The following WNK2 variants were observed in gnomAD, a reference collection of about 807,000 sequenced individuals.
The protein encoded by WNK2 is WNK lysine deficient protein kinase 2.
Under a neutral mutation model 192.1 loss-of-function variants are expected in WNK2, and 67 were observed. That is an observed-to-expected ratio of 0.35 (90% CI 0.29 to 0.43). WNK2 has a LOEUF of 0.43. WNK2 is among the 20% of genes least tolerant of loss of function. The pLI is 1.00. For missense variants in WNK2, 2,698 were observed against 3,089.7 expected (o/e 0.87, Z 3.01); for synonymous variants, 1,439 against 1,393.9 (o/e 1.03, Z -0.72).
At chr9:93,268,914 T>G in intron 19 of WNK2, 168 bp downstream of exon 19, 1 of 1,560,254 alleles carries the variant, frequency 6.4e-7, no homozygotes, top group South Asian at 1.2e-5. Context: ...CCTATCCTTG[T>G]TTTCTGCTGA....
chr9:93,268,897 C>T, intron 19 of WNK2, 151 bp downstream of exon 19: 1 of 1,566,776 alleles, frequency 6.4e-7, no homozygotes, highest in East Asian at 2.4e-5. Context: ...GCCTGTGGGG[C>T]TGTGTTCCTA....
chr9:93,231,444 ATT>A (rs1157163837), intron 4 of WNK2, among the ~76,000 whole-genome samples: 4 of 152,006 alleles, frequency 2.6e-5, no homozygotes, highest in Admixed American at 1.3e-4. Context: ...GCCAGCTCTG[ATT>A]GTCTAGCAGG....
intron 2 of WNK2, among the ~76,000 whole-genome samples, chr9:93,197,363 T>A (rs967554329): frequency 6.6e-6 from 1 of 152,154 alleles, no homozygotes; most frequent in East Asian, 1.9e-4. Flanking sequence ...AGGGAAGGGA[T>A]CCAGGAGCCA....
intron 2 of WNK2, among the ~76,000 whole-genome samples, chr9:93,187,811 C>T (rs1829610050): frequency 6.6e-6 from 1 of 151,980 alleles, no homozygotes; most frequent in East Asian, 1.9e-4. Context: ...CCAGGGGCTG[C>T]TGGGCGTGTG....
chr9:93,235,038 A>G, intron 5 of WNK2, 73 bp downstream of exon 5: 1 of 1,562,832 alleles, frequency 6.4e-7, no homozygotes, highest in Middle Eastern at 1.7e-4. Flanking sequence ...GCTGGGCTCC[A>G]TGTGGCTCTG....
At chr9:93,198,302 T>C (rs1467831005) in intron 2 of WNK2, among the ~76,000 whole-genome samples, 1 of 152,196 alleles carries the variant, frequency 6.6e-6, no homozygotes, top group East Asian at 1.9e-4. Context: ...CTAACAGGAC[T>C]TGCTGTCAGC....
intron 26 of WNK2, 187 bp downstream of exon 26, chr9:93,300,336 A>G (rs1291612538): frequency 3.6e-6 from 2 of 550,590 alleles, no homozygotes; most frequent in Non-Finnish European, 6.5e-6. Flanking sequence ...GCCAGCGCCT[A>G]CCCCCAAGCC....
At chr9:93,202,641 G>A (rs1257118051) in intron 2 of WNK2, among the ~76,000 whole-genome samples, 1 of 152,026 alleles carries the variant, frequency 6.6e-6, no homozygotes, top group African/African-American at 2.4e-5. Flanking sequence ...AAAATTACAT[G>A]GGGTGGGGCT....
At chr9:93,211,151 C>T (rs1403554225) in intron 2 of WNK2, among the ~76,000 whole-genome samples, 2 of 151,840 alleles carry the variant, frequency 1.3e-5, no homozygotes, top group African/African-American at 2.4e-5. Context: ...CTCACTTATT[C>T]ACTCACAGAT....
chr9:93,260,698 A>G (rs1474645211), intron 12 of WNK2, among the ~76,000 whole-genome samples: 1 of 152,188 alleles, frequency 6.6e-6, no homozygotes, highest in African/African-American at 2.4e-5. Context: ...GGGATGGTAC[A>G]TATTGGATAG....
rs144027303 is a variant in WNK2 at position 93,272,292 on chromosome 9, C to T, written c.4033+3546C>T. ...AAAAGATTATAACAATTTAACCTTC[C>T]ATTCCACCAGTGTGGCAAATGGAAG... On this transcript the variant is annotated intron_variant, in intron 19 of 29. Transcript: ENST00000427277. Among the ~76,000 whole-genome samples the T allele has an allele frequency of 3.0e-4, 46 of 152,316 alleles. No homozygotes were observed. The East Asian group carries it at 8.7e-3, about 29-fold the overall frequency.
At chr9:93,268,955 G>C (rs761742103) in intron 19 of WNK2, 2 of 1,550,700 alleles carry the variant, frequency 1.3e-6, no homozygotes, top group Non-Finnish European at 1.7e-6. Flanking sequence ...CTCCAGGTTT[G>C]AGTCTGCCCT....
Position 93,230,988 on chromosome 9 carries a change from A to G in WNK2, c.955A>G (p.Ile319Val), listed in dbSNP as rs745543864. ...GTTCCTGCACACAAGGACGCCACCC[A>G]TCATCCACCGAGACCTGAAATGTGA... is the stretch of plus-strand genomic sequence containing the variant. ...LLFLHTRTPP[I>V]IHRDLKCDNI... The change falls in exon 4 of 30, where the codon ATC becomes GTC. Residue 319 changes from isoleucine (I) to valine (V), a missense_variant. Around this residue, in one of 7 missense-constraint regions of WNK2, gnomAD observed 230 missense variants for 501.1 expected, o/e 0.46. Coordinates refer to ENST00000427277, the MANE Select transcript of WNK2 (RefSeq NM_006648.4). 1 of 1,612,706 alleles carries G rather than the reference A, an allele frequency of 6.2e-7. No homozygotes were observed. The highest frequency in any genetic ancestry group is 1.7e-5 in the Admixed American group (1 of 59,898).
intron 23 of WNK2, among the ~76,000 whole-genome samples, chr9:93,295,142 G>C (rs1850024546): frequency 6.6e-6 from 1 of 152,196 alleles, no homozygotes. Flanking sequence ...AGCAGCCCAG[G>C]GGCAGCTTGG....
chr9:93,285,696 C>T (rs575225078), intron 19 of WNK2, among the ~76,000 whole-genome samples: 2 of 152,336 alleles, frequency 1.3e-5, no homozygotes, highest in East Asian at 1.9e-4. Flanking sequence ...CATCAACACA[C>T]TGATTATATA....
At chr9:93,253,686 G>T (rs1182070822) in intron 9 of WNK2, among the ~76,000 whole-genome samples, 1 of 152,328 alleles carries the variant, frequency 6.6e-6, no homozygotes, top group East Asian at 1.9e-4. Flanking sequence ...CAGGGAGCAC[G>T]TGTGGCAAAG....
intron 2 of WNK2, among the ~76,000 whole-genome samples, chr9:93,227,808 C>T (rs965835808): frequency 3.3e-5 from 5 of 152,130 alleles, no homozygotes; most frequent in Admixed American, 6.5e-5. Context: ...CTTAAAGAAT[C>T]GTTTTTGATG....
intron 2 of WNK2, among the ~76,000 whole-genome samples, chr9:93,213,616 C>A (rs1473627198): frequency 6.6e-6 from 1 of 151,968 alleles, no homozygotes; most frequent in South Asian, 2.1e-4. Context: ...ATGGAGAAAC[C>A]CTGTCTCGAC....
In WNK2 at chr9:93,257,253, G is replaced by A; in HGVS notation, c.2382+114G>A. On this transcript the variant is annotated intron_variant, in intron 11 of 29. Coordinates refer to ENST00000427277, the MANE Select transcript of WNK2 (RefSeq NM_006648.4). This position sits in a 1 kb window ranked among gnomAD's most constrained non-coding sequence, Gnocchi z 4.7. The stretch of plus-strand genomic sequence containing the variant: ...TCTGTGCATGTGACCTGTGACCTGG[G>A]GTTGGGCTGGCCAGGGAGTTGGGGC... The A allele has an allele frequency of 8.3e-7, 1 of 1,211,628 alleles. No individual in the cohort carries two copies. Among genetic ancestry groups the A allele is most frequent in the Non-Finnish European group, 1.1e-6 (1 of 881,466 alleles). 75.1% of individuals were successfully genotyped at this position (1,211,628 alleles called of 1,614,324 possible).
Sources: allele counts gnomAD v4.1 joint callset (sites outside exome capture counted in the v4.1 genomes callset), GRCh38; gene constraint gnomAD v4.1.1; regional missense constraint gnomAD v4.1.1; non-coding constraint Gnocchi (gnomAD v3.1); transcripts MANE v1.5; gene names NCBI Gene and HGNC (gene_info 2026-07-23, HGNC 2026-07-21).